The following GPC5 variants were observed in gnomAD, a reference collection of about 807,000 sequenced individuals.
GPC5 encodes the protein glypican-5.
In GPC5, 47 loss-of-function variants were observed where a neutral mutation model predicts 53.9. The observed-to-expected ratio is 0.87, with a 90% CI of 0.69 to 1.11. The LOEUF is 1.11. Ranked by LOEUF, GPC5 falls within the 50% of genes most tolerant of loss-of-function variation. The pLI, the probability that GPC5 is intolerant of heterozygous loss-of-function variation, is 0.00. For synonymous variants in GPC5, 286 were observed against 263.3 expected (o/e 1.09, Z -0.84); for missense variants, 748 against 713.1 (o/e 1.05, Z -0.56).
At chr13:91,856,962 C>CT (rs71113772) in intron 5 of GPC5, among the ~76,000 whole-genome samples, 48,290 of 146,296 alleles carry the variant, frequency 0.33, 9,211 homozygotes, top group East Asian at 0.64. Context: ...TAAGCTTTTT[C>CT]TTTTTTTTTT....
intron 2 of GPC5, among the ~76,000 whole-genome samples, chr13:91,573,616 C>T (rs2032024112): frequency 6.6e-6 from 1 of 152,060 alleles, no homozygotes; most frequent in South Asian, 2.1e-4. Context: ...ATATTTGACC[C>T]TATAAAATTG....
chr13:92,433,655 C>T (rs576587395), intron 7 of GPC5, among the ~76,000 whole-genome samples: 1 of 152,088 alleles, frequency 6.6e-6, no homozygotes, highest in South Asian at 2.1e-4. Flanking sequence ...AATACAGGCA[C>T]AGTAGTAGAG....
At chr13:92,195,804 G>C (rs912753143) in intron 7 of GPC5, among the ~76,000 whole-genome samples, 1 of 152,012 alleles carries the variant, frequency 6.6e-6, no homozygotes, top group Non-Finnish European at 1.5e-5. Flanking sequence ...AATTACTTAG[G>C]TTCATTTGTC....
intron 7 of GPC5, among the ~76,000 whole-genome samples, chr13:92,790,550 G>A (rs1226686251): frequency 6.6e-6 from 1 of 152,084 alleles, no homozygotes; most frequent in Non-Finnish European, 1.5e-5. Context: ...CTTGTGCGAA[G>A]AATGTAACAT....
intron 6 of GPC5, among the ~76,000 whole-genome samples, chr13:92,133,791 C>T (rs1490923271): frequency 6.6e-6 from 1 of 151,960 alleles, no homozygotes; most frequent in Non-Finnish European, 1.5e-5. Flanking sequence ...AGCGAAAAGG[C>T]AAGGGAAAAA....
At chr13:92,337,975 T>G (rs557449581) in intron 7 of GPC5, among the ~76,000 whole-genome samples, 7 of 152,210 alleles carry the variant, frequency 4.6e-5, no homozygotes, top group African/African-American at 1.7e-4. Flanking sequence ...TCATTAAAAT[T>G]AAAAACTTCT....
chr13:91,526,313 TC>T (rs1480716540), intron 2 of GPC5, among the ~76,000 whole-genome samples: 1 of 152,228 alleles, frequency 6.6e-6, no homozygotes, highest in Non-Finnish European at 1.5e-5. Context: ...AATTGAAAGA[TC>T]AATTTCATTT....
chr13:92,274,679 A>AGCCC (rs2042863124), intron 7 of GPC5, among the ~76,000 whole-genome samples: 1 of 152,142 alleles, frequency 6.6e-6, no homozygotes, highest in Non-Finnish European at 1.5e-5. Flanking sequence ...TCCATGTATA[A>AGCCC]GCTCACACCA....
intron 7 of GPC5, among the ~76,000 whole-genome samples, chr13:92,414,233 A>T (rs760445445): frequency 7.2e-5 from 11 of 152,128 alleles, no homozygotes; most frequent in Non-Finnish European, 1.5e-4. Flanking sequence ...GGCTGGGTGC[A>T]GTGGCTCATG....
At chr13:91,443,798 T>C (rs952651082) in intron 1 of GPC5, among the ~76,000 whole-genome samples, 1 of 152,210 alleles carries the variant, frequency 6.6e-6, no homozygotes, top group Non-Finnish European at 1.5e-5. Flanking sequence ...TGAGTTCATG[T>C]TGGTACTTAT....
intron 7 of GPC5, among the ~76,000 whole-genome samples, chr13:92,650,890 T>C (rs1885936082): frequency 1.3e-5 from 2 of 152,116 alleles, no homozygotes; most frequent in Non-Finnish European, 2.9e-5. Context: ...TTGCTGCATC[T>C]ATTAACCCAT....
chr13:92,313,467 A>T (rs13378801), intron 7 of GPC5, among the ~76,000 whole-genome samples: 32,042 of 152,184 alleles, frequency 0.21, 3,540 homozygotes, highest in South Asian at 0.37. Flanking sequence ...TGACAAAGCA[A>T]CATAGCAGAA....
chr13:92,618,870 T>A (rs1310452943), intron 7 of GPC5, among the ~76,000 whole-genome samples: 1 of 151,952 alleles, frequency 6.6e-6, no homozygotes, highest in Non-Finnish European at 1.5e-5. Flanking sequence ...AGTCTCACTA[T>A]CTATTATGGT....
chr13:92,085,968 T>C (rs1185721744), intron 6 of GPC5, among the ~76,000 whole-genome samples: 1 of 152,200 alleles, frequency 6.6e-6, no homozygotes, highest in Non-Finnish European at 1.5e-5. Context: ...AGCCACGGAC[T>C]AGTATGGGTT....
intron 7 of GPC5, among the ~76,000 whole-genome samples, chr13:92,323,306 C>T (rs1276271036): frequency 6.7e-6 from 1 of 149,190 alleles, no homozygotes; most frequent in Non-Finnish European, 1.5e-5. Context: ...CATACATATA[C>T]AACGTATATA....
intron 7 of GPC5, among the ~76,000 whole-genome samples, chr13:92,725,461 T>C (rs1247189297): frequency 6.6e-6 from 1 of 151,566 alleles, no homozygotes; most frequent in Non-Finnish European, 1.5e-5. Flanking sequence ...AGAAGGCATA[T>C]TAGTTTGGCA....
intron 7 of GPC5, among the ~76,000 whole-genome samples, chr13:92,507,489 T>C (rs1287899252): frequency 6.6e-6 from 1 of 152,186 alleles, no homozygotes; most frequent in Non-Finnish European, 1.5e-5. Context: ...TATTTGAAAA[T>C]GTGTTATTTA....
At chr13:92,776,019 G>A (rs1875791342) in intron 7 of GPC5, among the ~76,000 whole-genome samples, 1 of 152,194 alleles carries the variant, frequency 6.6e-6, no homozygotes, top group Non-Finnish European at 1.5e-5. Flanking sequence ...TACAGGCGCT[G>A]TAAGAATTCA....
At chr13:91,740,663 A>G (rs1399655637) in intron 4 of GPC5, among the ~76,000 whole-genome samples, 1 of 152,188 alleles carries the variant, frequency 6.6e-6, no homozygotes, top group Non-Finnish European at 1.5e-5. Context: ...TGAGCAAAGT[A>G]AGGAAGAGCT....
Sources: gnomAD v4.1 joint callset for allele counts (sites outside exome capture counted in the v4.1 genomes callset) on GRCh38, gnomAD v4.1.1 for gene constraint, MANE v1.5 for transcripts, NCBI Gene and HGNC (gene_info 2026-07-23, HGNC 2026-07-21) for gene names.